Variants in CUL4B observed in about 807,000 individuals in gnomAD.
The protein encoded by CUL4B is cullin 4B.
CUL4B carries 1 observed loss-of-function variant against 69.2 expected under a neutral mutation model. The ratio of observed to expected loss-of-function variants is 0.01; its 90% CI spans 0.01 to 0.07. The LOEUF is 0.07. Among genes scored for constraint, CUL4B ranks in the 10% least tolerant of loss-of-function variants. CUL4B has a pLI of 1.00. For missense variants in CUL4B, 328 were observed against 638.8 expected (o/e 0.51, Z 5.24); for synonymous variants, 237 against 223.2 (o/e 1.06, Z -0.55).
upstream of CUL4B, chrX:120,561,263 C>G (rs957048585): frequency 3.1e-5 from 16 of 522,377 alleles, no homozygotes; most frequent in South Asian, 4.0e-4. Context: ...TGCTCCCGCT[C>G]CCCTTCGCGA....
chrX:120,538,032 C>T (rs1043803405), intron 14 of CUL4B, 92 bp downstream of exon 14: 18 of 634,921 alleles, frequency 2.8e-5, no homozygotes, highest in South Asian at 5.6e-5. Flanking sequence ...ACAACAAACA[C>T]GTTTCTATTT....
At chrX:120,575,147 C>T (rs746031320) in intron 1 of CUL4B, among the ~76,000 whole-genome samples, 9 of 112,467 alleles carry the variant, frequency 8.0e-5, no homozygotes, top group East Asian at 2.8e-4. Flanking sequence ...CCACAAATAA[C>T]TATGACTCTA....
upstream of CUL4B, among the ~76,000 whole-genome samples, chrX:120,561,756 A>G (rs1266102409): frequency 9.0e-6 from 1 of 110,704 alleles, no homozygotes; most frequent in Non-Finnish European, 1.9e-5. Context: ...AGGCTAGGGG[A>G]GTAACCCTAA....
chrX:120,561,614 C>A, upstream of CUL4B, among the ~76,000 whole-genome samples: 1 of 103,088 alleles, frequency 9.7e-6, no homozygotes, highest in Admixed American at 1.0e-4. Flanking sequence ...GTAGTGACGG[C>A]GAGGGGCGGA....
chrX:120,550,615 G>A (rs1343995576), intron 2 of CUL4B, among the ~76,000 whole-genome samples: 1 of 112,094 alleles, frequency 8.9e-6, no homozygotes, highest in East Asian at 2.8e-4. Context: ...ACAGCACAGA[G>A]TCTCACCTGT....
In CUL4B at chrX:120,526,309, G is replaced by A. The variant is rs1456399712; in HGVS notation, c.*452C>T. ...ACGGGTGAACAACCAAGTCAAGGGT[G>A]GTTTTTCTATTTGATAAATACATCC... On this transcript the variant is annotated 3_prime_UTR_variant, in exon 20 of 20. Coordinates refer to ENST00000371322, the MANE Select transcript of CUL4B (RefSeq NM_001079872.2). The A allele has an allele frequency of 8.8e-6, 1 of 114,166 alleles. No homozygotes were observed. Among genetic ancestry groups the A allele is most frequent in the Non-Finnish European group, 1.8e-5 (1 of 54,525 alleles). The allele number at this position is 114,166 out of a possible 1,213,427, so 9.4% of individuals were successfully genotyped here. A position where few individuals can be genotyped will look rare whatever the true frequency, so the allele number is the denominator to read the frequency against.
chrX:120,556,489 T>C (rs978895283), intron 2 of CUL4B, among the ~76,000 whole-genome samples: 5 of 111,410 alleles, frequency 4.5e-5, no homozygotes, highest in African/African-American at 1.6e-4. Flanking sequence ...TCAGCAACCT[T>C]GTGAGACAGG....
upstream of CUL4B, among the ~76,000 whole-genome samples, chrX:120,563,102 T>C (rs1029542205): frequency 8.9e-6 from 1 of 112,504 alleles, no homozygotes; most frequent in African/African-American, 3.2e-5. Flanking sequence ...GACAATATCA[T>C]TGCTATTTGA....
chrX:120,548,706 C>T (rs1157948661), intron 2 of CUL4B, among the ~76,000 whole-genome samples: 5 of 109,375 alleles, frequency 4.6e-5, no homozygotes, highest in Non-Finnish European at 9.5e-5. Flanking sequence ...TGGTGGTGCA[C>T]GCCTGTAATC....
intron 2 of CUL4B, among the ~76,000 whole-genome samples, chrX:120,552,243 GTTCAACCGATT>G (rs200896776): frequency 0.3 from 32,937 of 110,560 alleles, 4,613 homozygotes; most frequent in Non-Finnish European, 0.43. Flanking sequence ...TGCCTCCTGG[GTTCAACCGATT>G]CTCATGCCTT....
intron 1 of CUL4B, 133 bp downstream of exon 1, chrX:120,559,950 C>A: frequency 8.6e-7 from 1 of 1,161,157 alleles, no homozygotes; most frequent in Non-Finnish European, 1.1e-6. Flanking sequence ...AAAGGACCTC[C>A]CCTCCACCTC....
exon 2 of CUL4B, chrX:120,574,570 A>G (rs1456058035): frequency 8.3e-7 from 1 of 1,204,699 alleles, no homozygotes; most frequent in Non-Finnish European, 1.1e-6. Context: ...TAGAGGTAGT[A>G]GCCTCATCAT....
intron 3 of CUL4B, 57 bp from the exon 4 acceptor site, chrX:120,546,673 T>A: frequency 1.2e-6 from 1 of 852,264 alleles, no homozygotes; most frequent in Non-Finnish European, 1.7e-6. Flanking sequence ...ATGTGCCATG[T>A]GACAGAGAGC....
At chrX:120,532,005 T>C (rs1051099072) in intron 18 of CUL4B, among the ~76,000 whole-genome samples, 7 of 111,352 alleles carry the variant, frequency 6.3e-5, no homozygotes, top group Admixed American at 3.9e-4. Flanking sequence ...TTATCATATA[T>C]CAGAGATTAA....
intron 17 of CUL4B, 97 bp downstream of exon 17, chrX:120,534,384 A>G (rs1224956282): frequency 1.6e-6 from 1 of 635,062 alleles, no homozygotes; most frequent in African/African-American, 2.2e-5. Context: ...AAAACTCAAA[A>G]CAGTTCTGAG....
rs755828838 is a variant in CUL4B, at chrX:120,531,749, C to T, written c.2439+673G>A. Among the ~76,000 whole-genome samples, 24 of 111,498 alleles carry T rather than the reference C, an allele frequency of 2.2e-4. No individual in the cohort carries two copies. In the South Asian group the frequency reaches 8.6e-3, roughly 40 times the overall value. On this transcript the variant is annotated intron_variant, in intron 18 of 19. Transcript: ENST00000371322. The stretch of plus-strand genomic sequence containing the variant: ...TACTGGGATTACAGGTGTGAACCAC[C>T]GTACCTGGCCCACCTTCACTGTTAA...
chrX:120,573,562 AT>A (rs1925774266), intron 2 of CUL4B, among the ~76,000 whole-genome samples: 2 of 112,085 alleles, frequency 1.8e-5, no homozygotes, highest in African/African-American at 6.5e-5. Context: ...CCAACATATG[AT>A]CCCCACCTTC....
chrX:120,539,420 G>T, intron 11 of CUL4B, 48 bp from the exon 12 acceptor site: 1 of 748,977 alleles, frequency 1.3e-6, no homozygotes, highest in Non-Finnish European at 2.0e-6. Flanking sequence ...GAATACACGA[G>T]GTACTGGGCA....
At chrX:120,527,399 G>T (rs1170409660) in intron 19 of CUL4B, among the ~76,000 whole-genome samples, 14 of 110,072 alleles carry the variant, frequency 1.3e-4, no homozygotes, top group Admixed American at 1.3e-3. Flanking sequence ...TTTGATTTTT[G>T]ATTTTTTTTT....
Sources: allele counts gnomAD v4.1 joint callset (sites outside exome capture counted in the v4.1 genomes callset), GRCh38; gene constraint gnomAD v4.1.1; transcripts MANE v1.5; gene names NCBI Gene and HGNC (gene_info 2026-07-23, HGNC 2026-07-21).